NPNT: variants seen among roughly 807,000 people sequenced by gnomAD.
The protein encoded by NPNT is nephronectin.
NPNT carries 45 observed loss-of-function variants against 68.6 expected under a neutral mutation model. The observed-to-expected ratio is 0.66, with a 90% CI of 0.52 to 0.84. NPNT has a LOEUF of 0.84. Ranked by LOEUF, NPNT falls within the 40% of genes least tolerant of loss-of-function variation. NPNT has a pLI of 0.00. For synonymous variants in NPNT, 233 were observed against 253.3 expected (o/e 0.92, Z 0.76); for missense variants, 672 against 714.8 (o/e 0.94, Z 0.68).
intron 2 of NPNT, among the ~76,000 whole-genome samples, chr4:105,898,495 A>G (rs1726142563): frequency 6.6e-6 from 1 of 152,074 alleles, no homozygotes; most frequent in Non-Finnish European, 1.5e-5. Flanking sequence ...TAAACTCTGA[A>G]CCTTAGAGTA....
intron 10 of NPNT, among the ~76,000 whole-genome samples, chr4:105,962,255 G>T (rs1008103414): frequency 3.9e-5 from 6 of 152,166 alleles, no homozygotes; most frequent in Admixed American, 3.3e-4. Context: ...TCACTTAGAA[G>T]AGGATGACCT....
At chr4:105,968,189 G>A (rs920245025) in intron 11 of NPNT, among the ~76,000 whole-genome samples, 2 of 152,132 alleles carry the variant, frequency 1.3e-5, no homozygotes, top group South Asian at 4.1e-4. Context: ...ATTTTAGAAA[G>A]AAAAGATAGA....
At chr4:105,916,217 C>T (rs933847274) in intron 2 of NPNT, among the ~76,000 whole-genome samples, 5 of 149,906 alleles carry the variant, frequency 3.3e-5, no homozygotes, top group South Asian at 4.2e-4. Flanking sequence ...GTAGTGAATT[C>T]GTACTTTTTT....
At chr4:105,922,655 G>A (rs1207834527) in intron 2 of NPNT, among the ~76,000 whole-genome samples, 1 of 151,982 alleles carries the variant, frequency 6.6e-6, no homozygotes, top group Non-Finnish European at 1.5e-5. Flanking sequence ...AACAGAAGAG[G>A]CTTGGACATG....
intron 3 of NPNT, among the ~76,000 whole-genome samples, chr4:105,933,466 G>T (rs1435523633): frequency 3.3e-5 from 5 of 152,144 alleles, no homozygotes; most frequent in Non-Finnish European, 5.9e-5. Context: ...TCTCTGCTGA[G>T]AAGAAATTTG....
At chr4:105,968,120 ATGAAAC>A (rs1347759976) in intron 11 of NPNT, among the ~76,000 whole-genome samples, 1 of 152,218 alleles carries the variant, frequency 6.6e-6, no homozygotes, top group Non-Finnish European at 1.5e-5. Flanking sequence ...GCTGGTGCTT[ATGAAAC>A]TTGCTGTTGG....
At chr4:105,920,413 A>C (rs971982275) in intron 2 of NPNT, among the ~76,000 whole-genome samples, 1 of 151,454 alleles carries the variant, frequency 6.6e-6, no homozygotes, top group Admixed American at 6.6e-5. Context: ...AAAAAAAAAA[A>C]AAAAAACTTC....
Position 105,925,237 on chromosome 4 carries a change from T to A in NPNT, c.173-2099T>A, listed in dbSNP as rs185475296. Among the ~76,000 whole-genome samples the A allele has an allele frequency of 1.2e-3, 178 of 152,318 alleles. 1 individual carries two copies. Among genetic ancestry groups the A allele is most frequent in the Non-Finnish European group, 1.8e-3 (121 of 68,032 alleles). On this transcript the variant is annotated intron_variant, in intron 2 of 11. Coordinates refer to ENST00000379987, the MANE Select transcript of NPNT (RefSeq NM_001033047.3). ...TTGTTTCCCTTTGAATTTAATGCCA[T>A]GTTTAAAATCAGATTTTAAGAATTT...
chr4:105,925,217 T>G (rs1728595864), intron 2 of NPNT, among the ~76,000 whole-genome samples: 1 of 152,202 alleles, frequency 6.6e-6, no homozygotes, highest in Non-Finnish European at 1.5e-5. Context: ...CACAATTGTT[T>G]CCCTTTGAAT....
At chr4:105,912,143 A>C (rs1263337625) in intron 2 of NPNT, 87 of 1,388,404 alleles carry the variant, frequency 6.3e-5, no homozygotes, top group Non-Finnish European at 8.3e-5. Context: ...GCCTCCTTAC[A>C]GAGAAAAGAT....
intron 2 of NPNT, among the ~76,000 whole-genome samples, chr4:105,910,256 A>G (rs28672991): frequency 0.02 from 2,998 of 152,244 alleles, 99 homozygotes; most frequent in African/African-American, 0.068. Context: ...ATTAATTCCA[A>G]CCACGTATAG....
chr4:105,896,257 G>A lies in NPNT; in HGVS notation c.71+534G>A, dbSNP rs962292890. Reference sequence around the variant, plus strand: ...TCTCCATTTGGTTTTCTTGAGGGAAGGAGACTCAAAATGAGGACCGGAGGG... The same window carrying A: ...TCTCCATTTGGTTTTCTTGAGGGAAAGAGACTCAAAATGAGGACCGGAGGG... On this transcript the variant is annotated intron_variant, in intron 1 of 11. Transcript: ENST00000379987. 4.6e-5 allele frequency among the ~76,000 whole-genome samples: 7 copies of A among 152,130 alleles called. No homozygotes were observed. In the South Asian group the frequency reaches 1.5e-3, roughly 32 times the overall value.
At chr4:105,916,984 T>C (rs1393600440) in intron 2 of NPNT, among the ~76,000 whole-genome samples, 1 of 151,144 alleles carries the variant, frequency 6.6e-6, no homozygotes, top group Non-Finnish European at 1.5e-5. Flanking sequence ...CTCCCTACCT[T>C]ATGACCTTAT....
intron 3 of NPNT, among the ~76,000 whole-genome samples, chr4:105,930,761 A>G (rs934290570): frequency 6.6e-6 from 1 of 152,246 alleles, no homozygotes; most frequent in African/African-American, 2.4e-5. Flanking sequence ...AGAAACTTGC[A>G]TCATGGTGTA....
chr4:105,954,710 T>C (rs561945055), intron 8 of NPNT, among the ~76,000 whole-genome samples: 1 of 152,172 alleles, frequency 6.6e-6, no homozygotes, highest in Admixed American at 6.5e-5. Flanking sequence ...TCCCCTCTCT[T>C]TTCATTCTCC....
chr4:105,940,324 A>G (rs1729836833), intron 6 of NPNT, 115 bp downstream of exon 6: 1 of 1,157,448 alleles, frequency 8.6e-7, no homozygotes, highest in Non-Finnish European at 1.3e-6. Context: ...CGTTAAGTTA[A>G]ACCAACAGAC....
At chr4:105,965,379 G>T (rs924361790) in intron 10 of NPNT, among the ~76,000 whole-genome samples, 1 of 141,966 alleles carries the variant, frequency 7.0e-6, no homozygotes, top group Non-Finnish European at 1.5e-5. Context: ...AAAAAAAAAC[G>T]GCAAAAGCAA....
intron 2 of NPNT, among the ~76,000 whole-genome samples, chr4:105,917,500 G>A (rs1560899978): frequency 4.6e-5 from 7 of 152,044 alleles, no homozygotes; most frequent in Admixed American, 3.3e-4. Flanking sequence ...TGTATTTAAA[G>A]AGCTCAAAGT....
chr4:105,920,031 A>C (rs1728126430), intron 2 of NPNT, among the ~76,000 whole-genome samples: 1 of 152,078 alleles, frequency 6.6e-6, no homozygotes, highest in African/African-American at 2.4e-5. Context: ...CGTTCCTTCT[A>C]CATGTTAGTA....
Sources: allele counts gnomAD v4.1 joint callset (sites outside exome capture counted in the v4.1 genomes callset), GRCh38; gene constraint gnomAD v4.1.1; transcripts MANE v1.5; gene names NCBI Gene and HGNC (gene_info 2026-07-23, HGNC 2026-07-21).